PTPRT: variants seen among roughly 807,000 people sequenced by gnomAD.
PTPRT encodes the protein receptor-type tyrosine-protein phosphatase T.
In PTPRT, 56 loss-of-function variants were observed where a neutral mutation model predicts 176.8. The observed-to-expected ratio is 0.32, with a 90% CI of 0.26 to 0.40. PTPRT has a LOEUF of 0.40. Ranked by LOEUF, PTPRT falls within the 10% of genes least tolerant of loss-of-function variation. The pLI, the probability that PTPRT is intolerant of heterozygous loss-of-function variation, is 1.00. For missense variants in PTPRT, 1,540 were observed against 1,908.2 expected (o/e 0.81, Z 3.60); for synonymous variants, 783 against 739.0 (o/e 1.06, Z -0.96).
chr20:42,466,607 T>C (rs572606682), intron 8 of PTPRT, among the ~76,000 whole-genome samples: 20 of 152,298 alleles, frequency 1.3e-4, no homozygotes, highest in African/African-American at 4.8e-4. Flanking sequence ...GAAAACTATG[T>C]GGATGTTGAG....
chr20:42,194,992 A>T (rs1391940286), intron 16 of PTPRT, among the ~76,000 whole-genome samples: 1 of 151,394 alleles, frequency 6.6e-6, no homozygotes, highest in Non-Finnish European at 1.5e-5. Context: ...AACATCACAC[A>T]CCGGGGCCTG....
chr20:42,434,952 G>A (rs2059249085), intron 9 of PTPRT, among the ~76,000 whole-genome samples: 1 of 151,594 alleles, frequency 6.6e-6, no homozygotes, highest in Admixed American at 6.6e-5. Flanking sequence ...GTGACAGAGT[G>A]AGAATCCATC....
In PTPRT at chr20:42,889,547, T is replaced by C. The variant is rs141761971; in HGVS notation, c.89-3615A>G. 3.3e-3 allele frequency among the ~76,000 whole-genome samples: 499 copies of C among 152,292 alleles called. 1 individual carries two copies. Among genetic ancestry groups the C allele is most frequent in the Non-Finnish European group, 5.9e-3 (400 of 68,022 alleles). On this transcript the variant is annotated intron_variant, in intron 1 of 30. Transcript: ENST00000373187. ...AGGACAGAAAATGGGGACCGTAAGG[T>C]CACTCTGGGGACCTTAATGTCCCTC...
intron 1 of PTPRT, among the ~76,000 whole-genome samples, chr20:43,180,517 G>A (rs2015230982): frequency 6.6e-6 from 1 of 151,612 alleles, no homozygotes; most frequent in Non-Finnish European, 1.5e-5. Context: ...GGGCAGGAGT[G>A]CAATGGCATA....
chr20:42,240,078 C>T (rs1366679514), intron 14 of PTPRT, among the ~76,000 whole-genome samples: 2 of 152,160 alleles, frequency 1.3e-5, no homozygotes, highest in African/African-American at 2.4e-5. Flanking sequence ...TCAGCCTGAG[C>T]CAAGAAAACA....
intron 12 of PTPRT, among the ~76,000 whole-genome samples, chr20:42,298,357 G>T (rs1374221842): frequency 6.6e-6 from 1 of 152,140 alleles, no homozygotes; most frequent in Admixed American, 6.5e-5. Context: ...CTGTTTACAA[G>T]GCAGTGAGGA....
intron 22 of PTPRT, among the ~76,000 whole-genome samples, chr20:42,112,465 G>A (rs918180342): frequency 2.0e-5 from 3 of 152,214 alleles, no homozygotes; most frequent in African/African-American, 4.8e-5. Context: ...CAGGACTGAC[G>A]GGTTGCCCGG....
chr20:42,065,531 G>C, the PTPRT span, among the ~76,000 whole-genome samples: 9 of 152,214 alleles, frequency 5.9e-5, no homozygotes, highest in Non-Finnish European at 1.0e-4. Context: ...ACTATACTCC[G>C]TGTGGTGATT....
chr20:42,615,748 T>C (rs2074062250), intron 7 of PTPRT, among the ~76,000 whole-genome samples: 1 of 119,778 alleles, frequency 8.3e-6, no homozygotes, highest in Admixed American at 7.7e-5. Context: ...TTGAGAAGTG[T>C]CTGTTCATGT....
Position 42,885,834 on chromosome 20 carries a change from G to A in PTPRT, c.187C>T (p.Pro63Ser). The A allele has an allele frequency of 6.2e-7, 1 of 1,609,354 alleles. No homozygotes were observed. Among genetic ancestry groups the A allele is most frequent in the Non-Finnish European group, 8.5e-7 (1 of 1,176,984 alleles). ...GTGGGCACTGCCTGGTCCAGCATTGGTTTCTCCCATGTGTTAATCTGCTCC... is the reference window on the plus strand; with the variant it reads ...GTGGGCACTGCCTGGTCCAGCATTGATTTCTCCCATGTGTTAATCTGCTCC... Reference protein sequence around the residue: ...TWEQINTWEKPMLDQAVPTGS... With the variant: ...TWEQINTWEKSMLDQAVPTGS... The change falls in exon 2 of 31, where the codon CCA becomes TCA. Residue 63 changes from proline (P) to serine (S), a missense_variant. Pro to Ser is a moderately conservative substitution (Grantham distance 74). Around this residue, in one of 11 missense-constraint regions of PTPRT, gnomAD observed 116 missense variants for 118.5 expected, o/e 0.98. Transcript: ENST00000373187.
At chr20:42,465,663 G>A (rs2071090832) in intron 8 of PTPRT, among the ~76,000 whole-genome samples, 1 of 152,162 alleles carries the variant, frequency 6.6e-6, no homozygotes, top group African/African-American at 2.4e-5. Context: ...AGAAAGGAAT[G>A]AAAATAGCTA....
chr20:42,480,964 A>G (rs956963507), intron 7 of PTPRT, among the ~76,000 whole-genome samples: 2 of 151,936 alleles, frequency 1.3e-5, no homozygotes, highest in South Asian at 2.1e-4. Context: ...ATCAGTTACC[A>G]TTTTTCATGA....
At chr20:42,885,061 C>T (rs917103707) in intron 2 of PTPRT, among the ~76,000 whole-genome samples, 1 of 151,360 alleles carries the variant, frequency 6.6e-6, no homozygotes, top group African/African-American at 2.4e-5. Context: ...CACACTAGGC[C>T]TTCAGCGCTG....
Position 42,079,760 on chromosome 20 carries a change from T to A in PTPRT, c.*1119A>T, listed in dbSNP as rs7352413. The A allele has an allele frequency of 2.6e-5, 6 of 229,294 alleles. No individual in the cohort carries two copies. Among genetic ancestry groups the A allele is most frequent in the Non-Finnish European group, 4.3e-5 (5 of 115,628 alleles). 14.2% of individuals were successfully genotyped at this position (229,294 alleles called of 1,614,324 possible). On this transcript the variant is annotated 3_prime_UTR_variant, in exon 31 of 31. Coordinates refer to ENST00000373187, the MANE Select transcript of PTPRT (RefSeq NM_007050.6). ...TGGACATCCAAATTATGCACAAAGC[T>A]GGTGCTCTATTTGCCCCAGAAACCA...
chr20:42,141,782 C>G (rs1420934378), intron 18 of PTPRT, 133 bp downstream of exon 18: 10 of 854,058 alleles, frequency 1.2e-5, no homozygotes, highest in Non-Finnish European at 1.9e-5. Context: ...AAGCTTCCAT[C>G]TTGGCATGTA....
intron 7 of PTPRT, among the ~76,000 whole-genome samples, chr20:42,503,648 G>A (rs149296460): frequency 5.5e-4 from 83 of 151,754 alleles, no homozygotes; most frequent in Admixed American, 9.9e-4. Flanking sequence ...CTCTAATCTC[G>A]GAGTGCAGCA....
the PTPRT span, among the ~76,000 whole-genome samples, chr20:42,066,358 A>T: frequency 6.6e-6 from 1 of 152,140 alleles, no homozygotes; most frequent in Non-Finnish European, 1.5e-5. Flanking sequence ...TTACTTTTTA[A>T]AAGACTATGG....
intron 1 of PTPRT, among the ~76,000 whole-genome samples, chr20:42,915,255 A>C (rs1169737262): frequency 6.6e-6 from 1 of 152,214 alleles, no homozygotes; most frequent in Non-Finnish European, 1.5e-5. Context: ...ATTAAAGAGT[A>C]TGTTTGAGGC....
At chr20:42,138,784 C>T (rs531260661) in intron 18 of PTPRT, among the ~76,000 whole-genome samples, 1 of 152,324 alleles carries the variant, frequency 6.6e-6, no homozygotes, top group East Asian at 1.9e-4. Context: ...GTCTCTATTA[C>T]TAAATTCTAA....
Sources: gnomAD v4.1 joint callset for allele counts (sites outside exome capture counted in the v4.1 genomes callset) on GRCh38, gnomAD v4.1.1 for gene constraint, gnomAD v4.1.1 regional missense constraint, MANE v1.5 for transcripts, NCBI Gene and HGNC (gene_info 2026-07-23, HGNC 2026-07-21) for gene names.